The following DCLK2 variants were observed in gnomAD, a reference collection of about 807,000 sequenced individuals.
DCLK2 encodes the protein serine/threonine-protein kinase DCLK2.
DCLK2 carries 31 observed loss-of-function variants against 78.4 expected under a neutral mutation model. That is an observed-to-expected ratio of 0.40 (90% CI 0.30 to 0.53). DCLK2 has a LOEUF of 0.53. Among genes scored for constraint, DCLK2 ranks in the 20% least tolerant of loss-of-function variants. DCLK2 has a pLI of 0.61. For missense variants in DCLK2, 872 were observed against 973.7 expected (o/e 0.90, Z 1.39); for synonymous variants, 407 against 374.9 (o/e 1.09, Z -0.99).
intron 2 of DCLK2, among the ~76,000 whole-genome samples, chr4:150,150,138 AAAAC>A (rs1734787628): frequency 1.3e-5 from 2 of 152,234 alleles, no homozygotes; most frequent in African/African-American, 4.8e-5. Flanking sequence ...AAAAAAATAA[AAAAC>A]AATTTATATA....
intron 2 of DCLK2, among the ~76,000 whole-genome samples, chr4:150,108,452 G>A (rs1403345452): frequency 6.6e-6 from 1 of 151,982 alleles, no homozygotes; most frequent in Non-Finnish European, 1.5e-5. Flanking sequence ...GCTGAGGCAG[G>A]AGAATGGCAT....
chr4:150,164,553 C>T (rs745405880), intron 2 of DCLK2, among the ~76,000 whole-genome samples: 20 of 152,124 alleles, frequency 1.3e-4, no homozygotes, highest in Non-Finnish European at 2.2e-4. Context: ...AATCCCAGCA[C>T]TTTGGGAGGC....
chr4:150,097,894 G>C (rs1177781491), intron 1 of DCLK2, among the ~76,000 whole-genome samples: 5 of 152,180 alleles, frequency 3.3e-5, no homozygotes. Context: ...AGAGAAGGCA[G>C]GGAAAGGAGA....
chr4:150,120,645 A>G (rs746893428), intron 2 of DCLK2, among the ~76,000 whole-genome samples: 3 of 152,238 alleles, frequency 2.0e-5, no homozygotes, highest in Admixed American at 6.5e-5. Flanking sequence ...AATAAAATGA[A>G]TATTGTAATA....
At chr4:150,081,331 G>T (rs917608020) in intron 1 of DCLK2, among the ~76,000 whole-genome samples, 15 of 152,210 alleles carry the variant, frequency 9.9e-5, no homozygotes, top group African/African-American at 3.6e-4. Context: ...GTCTTTTACC[G>T]CCCACCGCAT....
intron 2 of DCLK2, among the ~76,000 whole-genome samples, chr4:150,191,500 G>A (rs1052977777): frequency 9.9e-5 from 15 of 152,128 alleles, no homozygotes; most frequent in African/African-American, 3.4e-4. Context: ...AGGCCTAAAT[G>A]TGAGCGGTTG....
At chr4:150,254,618 G>A (rs897204108) in intron 15 of DCLK2, among the ~76,000 whole-genome samples, 11 of 152,154 alleles carry the variant, frequency 7.2e-5, no homozygotes, top group African/African-American at 2.4e-4. Flanking sequence ...ATCTTTTAGT[G>A]GAGTTTTCCA....
intron 2 of DCLK2, among the ~76,000 whole-genome samples, chr4:150,192,697 C>G (rs1738554062): frequency 6.6e-6 from 1 of 151,970 alleles, no homozygotes; most frequent in Non-Finnish European, 1.5e-5. Context: ...CGAAACAACC[C>G]AAGGCACGGT....
intron 2 of DCLK2, among the ~76,000 whole-genome samples, chr4:150,171,523 T>C (rs1431783195): frequency 6.6e-6 from 1 of 152,234 alleles, no homozygotes; most frequent in East Asian, 1.9e-4. Flanking sequence ...AATTAAAAGT[T>C]GGGCTTTGCT....
intron 15 of DCLK2, among the ~76,000 whole-genome samples, chr4:150,252,328 G>C (rs1157138179): frequency 6.6e-6 from 1 of 152,230 alleles, no homozygotes; most frequent in Non-Finnish European, 1.5e-5. Flanking sequence ...AAAACCTTAA[G>C]AAGAGAGATT....
At chr4:150,236,792 G>T (rs1380137156) in intron 10 of DCLK2, among the ~76,000 whole-genome samples, 3 of 152,170 alleles carry the variant, frequency 2.0e-5, no homozygotes, top group Non-Finnish European at 4.4e-5. Flanking sequence ...GATAAAATAT[G>T]ACTTCAGGCT....
At chr4:150,114,161 A>G (rs1255448926) in intron 2 of DCLK2, among the ~76,000 whole-genome samples, 1 of 152,164 alleles carries the variant, frequency 6.6e-6, no homozygotes, top group Admixed American at 6.6e-5. Flanking sequence ...TTGGTGGCCT[A>G]TCATATGGTC....
At chr4:150,209,024 T>C (rs1740091457) in intron 5 of DCLK2, among the ~76,000 whole-genome samples, 1 of 152,230 alleles carries the variant, frequency 6.6e-6, no homozygotes, top group Non-Finnish European at 1.5e-5. Flanking sequence ...AGCTGGGTGT[T>C]GAGCCCATGC....
intron 2 of DCLK2, among the ~76,000 whole-genome samples, chr4:150,144,993 C>A (rs62338194): frequency 0.17 from 25,935 of 152,174 alleles, 2,563 homozygotes; most frequent in Non-Finnish European, 0.23. Flanking sequence ...TTGATTCTTT[C>A]AATCCATGAG....
intron 2 of DCLK2, among the ~76,000 whole-genome samples, chr4:150,116,324 C>T (rs557369901): frequency 6.6e-6 from 1 of 152,324 alleles, no homozygotes; most frequent in East Asian, 1.9e-4. Flanking sequence ...CCTTCACAAG[C>T]ACCAGGGCTT....
At chr4:150,217,265 TTGTC>T (rs1740790958) in intron 5 of DCLK2, among the ~76,000 whole-genome samples, 2 of 152,206 alleles carry the variant, frequency 1.3e-5, no homozygotes, top group South Asian at 4.1e-4. Flanking sequence ...TCATTGCTCT[TTGTC>T]TGCATGTCTC....
chr4:150,156,906 G>C (rs1035003702), intron 2 of DCLK2, among the ~76,000 whole-genome samples: 1 of 151,468 alleles, frequency 6.6e-6, no homozygotes, highest in Admixed American at 6.6e-5. Flanking sequence ...AAGTAGCTGA[G>C]GCCACCGATG....
At chr4:150,109,335 CTT>C (rs199549302) in intron 2 of DCLK2, among the ~76,000 whole-genome samples, 6 of 143,702 alleles carry the variant, frequency 4.2e-5, no homozygotes, top group Non-Finnish European at 4.6e-5. Flanking sequence ...ATGCATTTCC[CTT>C]TTTTTTTTTT....
chr4:150,120,365 C>T (rs997575604), intron 2 of DCLK2, among the ~76,000 whole-genome samples: 1 of 152,120 alleles, frequency 6.6e-6, no homozygotes, highest in African/African-American at 2.4e-5. Context: ...TCTCCTATGG[C>T]TTGTTTTACT....
Sources: gnomAD v4.1 joint callset for allele counts (sites outside exome capture counted in the v4.1 genomes callset) on GRCh38, gnomAD v4.1.1 for gene constraint, MANE v1.5 for transcripts, NCBI Gene and HGNC (gene_info 2026-07-23, HGNC 2026-07-21) for gene names.